The following VWA3B variants were observed in gnomAD, a reference collection of about 807,000 sequenced individuals.
VWA3B encodes the protein von Willebrand factor A domain-containing protein 3B.
A neutral mutation model predicts 158.3 loss-of-function variants in VWA3B; 138 were observed. That is an observed-to-expected ratio of 0.87 (90% confidence interval 0.76 to 1.00). The LOEUF (loss-of-function observed/expected upper bound fraction) is 1.00. Among genes scored for constraint, VWA3B ranks in the 50% least tolerant of loss-of-function variants. The pLI, the probability that VWA3B is intolerant of heterozygous loss-of-function variation, is 0.00. For synonymous variants in VWA3B, 596 were observed against 587.3 expected (o/e 1.01, Z -0.21); for missense variants, 1,555 against 1,565.1 (o/e 0.99, Z 0.11).
rs531977535 is a variant in VWA3B, at chr2:98,216,903, G to A, written c.1837-943G>A. The stretch of plus-strand genomic sequence containing the variant: ...GATGAGCTTCAAGCCCAAGTCTCTC[G>A]CTCTGGAGCTGTTTCCTTCATTCCA... On this transcript the variant is annotated intron_variant, in intron 13 of 27. Transcript: ENST00000477737. The A allele has an allele frequency of 1.3e-4, 163 of 1,296,898 alleles. 1 individual carries two copies. The highest frequency in any genetic ancestry group is 4.2e-4 in the Middle Eastern group (2 of 4,708). The allele number at this position is 1,296,898 out of a possible 1,614,324, so 80.3% of individuals were successfully genotyped here. A position where few individuals can be genotyped will look rare whatever the true frequency, so the allele number is the denominator to read the frequency against.
chr2:98,220,807 C>T (rs995493543), intron 14 of VWA3B, among the ~76,000 whole-genome samples: 14 of 152,152 alleles, frequency 9.2e-5, no homozygotes, highest in Admixed American at 3.3e-4. Context: ...GGAATGAGAT[C>T]GTGTCCTTTT....
At chr2:98,176,722 T>A (rs1558637313) in intron 8 of VWA3B, among the ~76,000 whole-genome samples, 1 of 152,172 alleles carries the variant, frequency 6.6e-6, no homozygotes, top group Non-Finnish European at 1.5e-5. Context: ...GAATCTTGCT[T>A]GTGGTAAGCC....
intron 6 of VWA3B, among the ~76,000 whole-genome samples, chr2:98,132,558 C>T (rs1484774133): frequency 2.0e-5 from 3 of 152,322 alleles, no homozygotes; most frequent in South Asian, 4.1e-4. Context: ...TCTGCACAAG[C>T]GAGACTATAT....
chr2:98,179,157 G>A (rs1680256698), intron 8 of VWA3B: 1 of 467,156 alleles, frequency 2.1e-6, no homozygotes, highest in Non-Finnish European at 4.4e-6. Flanking sequence ...GATGTGCACA[G>A]CCAGCTCCAG....
At position 98,188,638 on chromosome 2, in the gene VWA3B, G is replaced by A. The variant is rs370434317; in HGVS notation, c.1466+509G>A. Among the ~76,000 whole-genome samples, 54 of 152,264 alleles carry A rather than the reference G, an allele frequency of 3.5e-4. No individual in the cohort carries two copies. In the East Asian group the frequency reaches 5.8e-3, roughly 16 times the overall value. On this transcript the variant is annotated intron_variant, in intron 10 of 27. Coordinates refer to ENST00000477737, the MANE Select transcript of VWA3B (RefSeq NM_144992.5). The stretch of plus-strand genomic sequence containing the variant: ...CTTAATTTGCTTAACATAATGTCCT[G>A]TAGGCTCATCCATGCTGCTGCGAAT...
intron 8 of VWA3B, among the ~76,000 whole-genome samples, chr2:98,174,289 A>G: frequency 6.6e-6 from 1 of 152,164 alleles, no homozygotes; most frequent in Admixed American, 6.5e-5. Context: ...GCTCCTCACT[A>G]ACCTTAAAAA....
At chr2:98,264,965 T>G (rs982638040) in intron 21 of VWA3B, among the ~76,000 whole-genome samples, 8 of 151,812 alleles carry the variant, frequency 5.3e-5, no homozygotes, top group African/African-American at 1.7e-4. Flanking sequence ...AGTCTTTCAA[T>G]CCATGAACAC....
chr2:98,303,949 T>G lies in VWA3B; in HGVS notation c.3521+147T>G, dbSNP rs1304322277. On this transcript the variant is annotated intron_variant, in intron 26 of 27. Transcript: ENST00000477737. Reference sequence around the variant, plus strand: ...CCTACTTAAAATGTAGCTCTGTGTTTATTATTCCTTCGACGTCACACCTTT... The same window carrying G: ...CCTACTTAAAATGTAGCTCTGTGTTGATTATTCCTTCGACGTCACACCTTT... 2.6e-5 allele frequency: 19 copies of G among 743,802 alleles called. No individual in the cohort carries two copies. The East Asian group carries it at 4.6e-4, about 18-fold the overall frequency. 46.1% of individuals were successfully genotyped at this position (743,802 alleles called of 1,614,324 possible).
At chr2:98,108,115 C>T (rs1233284926) in intron 2 of VWA3B, among the ~76,000 whole-genome samples, 1 of 151,990 alleles carries the variant, frequency 6.6e-6, no homozygotes, top group Non-Finnish European at 1.5e-5. Flanking sequence ...TCCTCTTTGA[C>T]TTATGGACTT....
At position 98,119,831 on chromosome 2, in the gene VWA3B, G is replaced by GT. The variant is rs995959986; in HGVS notation, c.542+69dup. ...GTAATTTGTACATATTTGGAATTAA[G>GT]TAGCACAGCTGACACAGTTAGCTCT... On this transcript the variant is annotated intron_variant, in intron 4 of 27. Coordinates refer to ENST00000477737, the MANE Select transcript of VWA3B (RefSeq NM_144992.5). 1.9e-6 allele frequency: 3 copies of GT among 1,573,612 alleles called. No individual in the cohort carries two copies. In the African/African-American group the frequency reaches 4.1e-5, roughly 21 times the overall value.
chr2:98,113,272 T>G (rs1339150789), intron 2 of VWA3B, among the ~76,000 whole-genome samples: 1 of 152,086 alleles, frequency 6.6e-6, no homozygotes, highest in African/African-American at 2.4e-5. Context: ...TAGTTTTCCT[T>G]TGGTATATGC....
At chr2:98,279,406 C>T (rs1574266238) in intron 22 of VWA3B, among the ~76,000 whole-genome samples, 1 of 152,124 alleles carries the variant, frequency 6.6e-6, no homozygotes, top group East Asian at 1.9e-4. Context: ...TCTCCTGCCT[C>T]TACATTTGTC....
rs1689781416 is a variant in VWA3B, at chr2:98,296,002, G to A, written c.3158-1905G>A. 2.0e-5 allele frequency among the ~76,000 whole-genome samples: 3 copies of A among 152,328 alleles called. 1 individual carries two copies. The South Asian group carries it at 6.2e-4, about 32-fold the overall frequency. On this transcript the variant is annotated intron_variant, in intron 23 of 27. Coordinates refer to ENST00000477737, the MANE Select transcript of VWA3B (RefSeq NM_144992.5). ...ACATCTACAGAGATTATACAAAGAAGGAAGGTGAATTAAAGGAACTAAAAA... is the reference window on the plus strand; with the variant it reads ...ACATCTACAGAGATTATACAAAGAAAGAAGGTGAATTAAAGGAACTAAAAA...
the VWA3B span, among the ~76,000 whole-genome samples, chr2:98,318,506 T>G: frequency 1.3e-5 from 2 of 151,926 alleles, no homozygotes; most frequent in Non-Finnish European, 2.9e-5. Flanking sequence ...CACTTATAAG[T>G]GGGAACTAAA....
At chr2:98,247,808 A>G (rs1686497759) in intron 19 of VWA3B, among the ~76,000 whole-genome samples, 1 of 152,074 alleles carries the variant, frequency 6.6e-6, no homozygotes, top group South Asian at 2.1e-4. Flanking sequence ...TATTTCTTTC[A>G]TTAAACTCTA....
chr2:98,192,278 A>G (rs1161552512), intron 10 of VWA3B: 1 of 153,846 alleles, frequency 6.5e-6, no homozygotes, highest in Non-Finnish European at 1.4e-5. Flanking sequence ...GTGAGCAATA[A>G]AGCTTTTAAT....
At chr2:98,147,959 G>A (rs1016161659) in intron 7 of VWA3B, among the ~76,000 whole-genome samples, 4 of 151,080 alleles carry the variant, frequency 2.6e-5, no homozygotes, top group African/African-American at 9.8e-5. Context: ...AACATGCGGT[G>A]TTTGGTTTTT....
At chr2:98,184,227 C>G (rs1039390020) in intron 9 of VWA3B, among the ~76,000 whole-genome samples, 1 of 152,208 alleles carries the variant, frequency 6.6e-6, no homozygotes, top group African/African-American at 2.4e-5. Context: ...ATGAGGCACA[C>G]TCGGGAAATG....
the VWA3B span, among the ~76,000 whole-genome samples, chr2:98,329,450 T>C: frequency 6.6e-6 from 1 of 152,136 alleles, no homozygotes; most frequent in Non-Finnish European, 1.5e-5. Flanking sequence ...GATAAAGGAC[T>C]GGTTTCTAGG....
Sources: allele counts gnomAD v4.1 joint callset (sites outside exome capture counted in the v4.1 genomes callset), GRCh38; gene constraint gnomAD v4.1.1; transcripts MANE v1.5; gene names NCBI Gene and HGNC (gene_info 2026-07-23, HGNC 2026-07-21).